The following INTS1 variants were observed in gnomAD, a reference collection of about 807,000 sequenced individuals.
INTS1 encodes the protein integrator complex subunit 1.
A neutral mutation model predicts 241.6 loss-of-function variants in INTS1; 137 were observed. That is an observed-to-expected ratio of 0.57 (90% CI 0.49 to 0.65). INTS1 has a LOEUF of 0.65. Among genes scored for constraint, INTS1 ranks in the 30% least tolerant of loss-of-function variants. The pLI is 0.00. For synonymous variants in INTS1, 1,692 were observed against 1,337.8 expected, an observed-to-expected ratio of 1.26 and a Z score of -5.78; for missense variants, 3,073 against 3,032.2, an observed-to-expected ratio of 1.01 and a Z score of -0.32.
rs1488601544 is a variant in INTS1, at chr7:1,504,332, A to T, written c.-51T>A. On this transcript the variant is annotated 5_prime_UTR_variant, in exon 1 of 48. An upstream start codon of the reference 5' UTR is lost. Transcript: ENST00000404767. ...GCCGCGGCTCACTTACCTCTGGCCCATCGCGACCGGAGCGCCGCCGCCGCC... is the reference window on the plus strand; with the variant it reads ...GCCGCGGCTCACTTACCTCTGGCCCTTCGCGACCGGAGCGCCGCCGCCGCC... 1 of 516,676 alleles carries T rather than the reference A, an allele frequency of 1.9e-6. No homozygotes were observed. The highest frequency in any genetic ancestry group is 3.7e-6 in the Non-Finnish European group (1 of 269,638). The allele number at this position is 516,676 out of a possible 1,614,324, so 32.0% of individuals were successfully genotyped here.
intron 16 of INTS1, among the ~76,000 whole-genome samples, chr7:1,492,799 G>A (rs1267901982): frequency 6.6e-6 from 1 of 152,176 alleles, no homozygotes; most frequent in Non-Finnish European, 1.5e-5. Flanking sequence ...AACAGGCCAT[G>A]AGCAGGCCCA....
Position 1,470,875 on chromosome 7 carries a change from T to A in INTS1, c.6428A>T (p.Asn2143Ile). The A allele has an allele frequency of 6.3e-7, 1 of 1,594,418 alleles. No homozygotes were observed. Reference sequence around the variant, plus strand: ...GCACAGGAGAGCGTACTCAGGCAGGTTCCGGAGGGCCGTCTGCACCACCTC... The same window carrying A: ...GCACAGGAGAGCGTACTCAGGCAGGATCCGGAGGGCCGTCTGCACCACCTC... ...DFEVVQTALR[N>I]LPEYALLCQE... is the part of the protein sequence containing the mutation. Residue 2143 changes from asparagine to isoleucine, a missense_variant, in exon 47 of 48, where the codon AAC becomes ATC. Asn to Ile is a moderately radical substitution (Grantham distance 149, BLOSUM62 -3). Transcript: ENST00000404767.
At chr7:1,502,862 C>A (rs1399453215) in intron 3 of INTS1, 39 bp downstream of exon 3, 14 of 1,608,316 alleles carry the variant, frequency 8.7e-6, no homozygotes, top group Non-Finnish European at 1.2e-5. Flanking sequence ...ACGGCATGAG[C>A]TGAGGGGTGT....
intron 14 of INTS1, chr7:1,494,371 G>C: frequency 4.1e-6 from 1 of 245,468 alleles, no homozygotes; most frequent in Non-Finnish European, 8.0e-6. Context: ...AGGCGGGGCT[G>C]GAGGGGAGTG....
At position 1,495,439 on chromosome 7, in the gene INTS1, A is replaced by C; in HGVS notation, c.1826T>G (p.Val609Gly). ...TACAGGGCCCCAGCCGCACCAGTGC[A>C]CGTAGTCCTTAGGGGCGAGCTTGCT... ...SISKLAPKDYVHCLHKVLFTE... is the reference protein window; with the variant it reads ...SISKLAPKDYGHCLHKVLFTE... Residue 609 changes from valine to glycine, a missense_variant, in exon 13 of 48, where the codon GTG becomes GGG. Transcript: ENST00000404767. The C allele has an allele frequency of 6.2e-7, 1 of 1,611,408 alleles. No individual in the cohort carries two copies. The highest frequency in any genetic ancestry group is 8.5e-7 in the Non-Finnish European group (1 of 1,179,208).
chr7:1,499,376 A>T lies in INTS1; in HGVS notation c.845-16T>A. On this transcript the variant is annotated splice_polypyrimidine_tract_variant and intron_variant, in intron 6 of 47. Transcript: ENST00000404767. ...GGGCTGCTCCCTGCAAACCAAGGAG[A>T]GGGCTCCATGCAGCGCCTCCCACCC... The T allele has an allele frequency of 1.9e-6, 3 of 1,566,614 alleles. No homozygotes were observed. The highest frequency in any genetic ancestry group is 2.6e-6 in the Non-Finnish European group (3 of 1,153,188).
intron 33 of INTS1, 81 bp downstream of exon 33, chr7:1,478,285 C>T: frequency 6.7e-7 from 1 of 1,484,916 alleles, no homozygotes; most frequent in Non-Finnish European, 9.3e-7. Context: ...TGTCCGTCCC[C>T]CACTGGGCAG....
rs576309775 is a variant in INTS1, at chr7:1,481,409, G to A, written c.3783C>T (p.Leu1261=). The change falls in exon 28 of 48, where the codon CTC becomes CTT. Residue 1261 remains leucine (L), a synonymous_variant. Transcript: ENST00000404767. The surrounding 1 kb of genome is among the most constrained non-coding windows in gnomAD (Gnocchi z 6.8). ...CCACTGCCTGGTCCAGGAACTGGAGGAGTTTGCTCATGCTGGACACGGGGA... is the reference window on the plus strand; with the variant it reads ...CCACTGCCTGGTCCAGGAACTGGAGAAGTTTGCTCATGCTGGACACGGGGA... ...FGIPVSSMSK[L]LQFLDQAVAH... 57 of 1,612,870 alleles carry A rather than the reference G, an allele frequency of 3.5e-5. No individual in the cohort carries two copies. Among genetic ancestry groups the A allele is most frequent in the Non-Finnish European group, 4.5e-5 (53 of 1,179,706 alleles).
chr7:1,480,568 C>T (rs1192468871), intron 29 of INTS1, 127 bp from the exon 30 acceptor site: 3 of 1,084,876 alleles, frequency 2.8e-6, no homozygotes, highest in Non-Finnish European at 3.9e-6. Context: ...CAGACCTGGG[C>T]TCTGTGTTCC....
rs1197348390 is a variant in INTS1, at chr7:1,499,097, G to T, written c.1015C>A (p.Arg339=). The T allele has an allele frequency of 6.2e-7, 1 of 1,610,654 alleles. No individual in the cohort carries two copies. The highest frequency in any genetic ancestry group is 1.1e-5 in the South Asian group (1 of 90,812). The change falls in exon 8 of 48, where the codon CGG becomes AGG. Residue 339 remains arginine (R), a synonymous_variant. Transcript: ENST00000404767. ...VLDMLRDQLN[R]RQPIDNVSRN... ...GAGACGTTGTCGATGGGCTGGCGCC[G>T]GTTCAGCTGGTCCCGCAGCATGTCC...
In INTS1 at chr7:1,473,733, G is replaced by A. The variant is rs10253129; in HGVS notation, c.5830-40C>T. On this transcript the variant is annotated intron_variant, in intron 41 of 47. Coordinates refer to ENST00000404767, the MANE Select transcript of INTS1 (RefSeq NM_001080453.3). Reference sequence around the variant, plus strand: ...CGGCACCCTCGAGCTGCTCTGCCCCGCAGGGCCAAAACAGAGCCTGTGCTC... The same window carrying A: ...CGGCACCCTCGAGCTGCTCTGCCCCACAGGGCCAAAACAGAGCCTGTGCTC... The A allele has an allele frequency of 3.9e-3, 6,314 of 1,609,612 alleles. 200 individuals are homozygous for A. The African/African-American group carries it at 0.071, about 18-fold the overall frequency.
chr7:1,495,339 C>A (rs1035012823), intron 13 of INTS1, 94 bp downstream of exon 13: 2 of 1,442,470 alleles, frequency 1.4e-6, no homozygotes, highest in African/African-American at 2.9e-5. Flanking sequence ...CTTGTCCTGG[C>A]TCAGTGGGGT....
rs776985503 is a variant in INTS1 at position 1,473,114 on chromosome 7, T to C, written c.6028A>G (p.Arg2010Gly). The C allele has an allele frequency of 6.8e-6, 11 of 1,612,094 alleles. No individual in the cohort carries two copies. The Admixed American group carries it at 1.0e-4, about 15-fold the overall frequency. Residue 2010 changes from arginine to glycine, a missense_variant, in exon 43 of 48, where the codon AGG (arginine) becomes GGG (glycine). Physicochemically the swap from Arg to Gly is moderately radical, Grantham distance 125. Coordinates refer to ENST00000404767, the MANE Select transcript of INTS1 (RefSeq NM_001080453.3). The stretch of plus-strand genomic sequence containing the variant: ...AGGCCTCGGTCGGTCCTGTCGTCCC[T>C]GCTGGGCAGGCTGAGCCCTGCAAGG... Reference protein sequence around the residue: ...SLLAGLSLPSRDDRTDRGLDE... With the variant: ...SLLAGLSLPSGDDRTDRGLDE...
In INTS1 at chr7:1,474,040, G is replaced by A. The variant is rs1271031846; in HGVS notation, c.5829+128C>T. 3 of 1,105,970 alleles carry A rather than the reference G, an allele frequency of 2.7e-6. No individual in the cohort carries two copies. The Admixed American group carries it at 8.7e-5, about 32-fold the overall frequency. The allele number at this position is 1,105,970 out of a possible 1,614,324, so 68.5% of individuals were successfully genotyped here. ...TCCCAGGGTGGGAGCTGGTCCCCAG[G>A]GCAGGTGGCCTGGCCTGGGCCCTGG... On this transcript the variant is annotated intron_variant, in intron 41 of 47. Transcript: ENST00000404767.
chr7:1,491,717 A>C (rs111713538), intron 16 of INTS1, among the ~76,000 whole-genome samples: 1 of 152,168 alleles, frequency 6.6e-6, no homozygotes, highest in Non-Finnish European at 1.5e-5. Context: ...CCTGGGCAAT[A>C]AAGTGAGGCC....
chr7:1,482,764 C>T lies in INTS1; in HGVS notation c.3542-57G>A. 8 of 1,585,396 alleles carry T rather than the reference C, an allele frequency of 5.0e-6. No individual in the cohort carries two copies. The South Asian group carries it at 8.0e-5, about 16-fold the overall frequency. On this transcript the variant is annotated intron_variant, in intron 26 of 47. Transcript: ENST00000404767. ...AGACCCACCGGGGCCCAGCCCCAAG[C>T]ACCGCTGGTGCCAAGGCTAGAGGCA...
In INTS1 at chr7:1,474,298, C is replaced by T. The variant is rs905064335; in HGVS notation, c.5699G>A (p.Arg1900Gln). The T allele has an allele frequency of 1.5e-5, 24 of 1,608,574 alleles. No individual in the cohort carries two copies. Among genetic ancestry groups the T allele is most frequent in the South Asian group, 8.8e-5 (8 of 90,970 alleles). ...GRTHLNFQEF[R>Q]QQNHLSCFLH... Reference sequence around the variant, plus strand: ...GAAGCAGCTCAGGTGGTTCTGCTGCCGGAACTCCTGGAAGTTGAGGTGGGT... The same window carrying T: ...GAAGCAGCTCAGGTGGTTCTGCTGCTGGAACTCCTGGAAGTTGAGGTGGGT... Residue 1900 changes from arginine (R) to glutamine (Q), a missense_variant, in exon 41 of 48, where the codon CGG (arginine) becomes CAG (glutamine). Coordinates refer to ENST00000404767, the MANE Select transcript of INTS1 (RefSeq NM_001080453.3).
chr7:1,471,821 C>T (rs943919749), intron 44 of INTS1, 180 bp from the exon 45 acceptor site: 43 of 620,088 alleles, frequency 6.9e-5, no homozygotes, highest in Non-Finnish European at 1.1e-4. Context: ...ATACCCGGCC[C>T]TGCCCCTACT....
Position 1,498,432 on chromosome 7 carries a change from T to A in INTS1, c.1405A>T (p.Ser469Cys). 1 of 1,613,860 alleles carries A rather than the reference T, an allele frequency of 6.2e-7. No homozygotes were observed. Among genetic ancestry groups the A allele is most frequent in the Non-Finnish European group, 8.5e-7 (1 of 1,179,862 alleles). The change falls in exon 10 of 48, where the codon AGC becomes TGC. Residue 469 changes from serine (S) to cysteine (C), a missense_variant. Transcript: ENST00000404767. ...CCTACCTTGGGCGCCAGCTCTGAGC[T>A]GTGCTGCAGTGCGGTATAGAGGACC... ...MQVLYTALQH[S>C]SELAPKFLAM...
Sources: gnomAD v4.1 joint callset for allele counts (sites outside exome capture counted in the v4.1 genomes callset) on GRCh38, gnomAD v4.1.1 for gene constraint, Gnocchi (gnomAD v3.1) non-coding constraint, MANE v1.5 for transcripts, NCBI Gene and HGNC (gene_info 2026-07-23, HGNC 2026-07-21) for gene names.